Variants in TVP23A observed in about 807,000 individuals in gnomAD.
TVP23A encodes the protein trans-golgi network vesicle protein 23 homolog A.
TVP23A carries 21 observed loss-of-function variants against 31.7 expected under a neutral mutation model. The observed-to-expected ratio is 0.66, with a 90% CI of 0.47 to 0.95. The LOEUF (loss-of-function observed/expected upper bound fraction) is 0.95, where lower values mean the gene tolerates loss of function less well. Among genes scored for constraint, TVP23A ranks in the 40% least tolerant of loss-of-function variants. The pLI is 0.00. For synonymous variants in TVP23A, 104 were observed against 96.0 expected (o/e 1.08, Z -0.49); for missense variants, 279 against 255.6 (o/e 1.09, Z -0.62).
chr16:10,795,221 A>G (rs1200902117), intron 2 of TVP23A, among the ~76,000 whole-genome samples: 1 of 151,600 alleles, frequency 6.6e-6, no homozygotes, highest in Non-Finnish European at 1.5e-5. Context: ...AGCAATAACA[A>G]TATGTCTGCA....
intron 2 of TVP23A, among the ~76,000 whole-genome samples, chr16:10,794,770 AG>A (rs1460284768): frequency 6.6e-6 from 1 of 152,022 alleles, no homozygotes; most frequent in Non-Finnish European, 1.5e-5. Flanking sequence ...TCTGTCTGAG[AG>A]GGGGCCACCT....
downstream of TVP23A, chr16:10,762,020 A>C: frequency 3.4e-6 from 2 of 586,598 alleles, no homozygotes; most frequent in Non-Finnish European, 6.0e-6. Flanking sequence ...CCAAGAGGCC[A>C]CCGGGAGAGA....
At chr16:10,792,110 G>T (rs13331226) in intron 2 of TVP23A, among the ~76,000 whole-genome samples, 1 of 152,182 alleles carries the variant, frequency 6.6e-6, no homozygotes, top group Non-Finnish European at 1.5e-5. Flanking sequence ...AATCTGCTGT[G>T]GTCCACCTCC....
chr16:10,773,964 C>G, intron 4 of TVP23A, 75 bp downstream of exon 4: 1 of 1,222,134 alleles, frequency 8.2e-7, no homozygotes, highest in Non-Finnish European at 1.2e-6. Context: ...ATGCACAAAA[C>G]TCCAAAGGAA....
chr16:10,803,110 C>T (rs2033779092), intron 2 of TVP23A, among the ~76,000 whole-genome samples: 2 of 152,200 alleles, frequency 1.3e-5, no homozygotes, highest in South Asian at 2.1e-4. Context: ...GTAGCAAAAT[C>T]CCGTCTCTAC....
chr16:10,781,748 T>C (rs2032434969), intron 2 of TVP23A, among the ~76,000 whole-genome samples: 1 of 151,942 alleles, frequency 6.6e-6, no homozygotes, highest in Non-Finnish European at 1.5e-5. Flanking sequence ...GAGAGTCAGG[T>C]TGGCAGAAAT....
downstream of TVP23A, chr16:10,763,474 C>T (rs966588543): frequency 6.6e-6 from 1 of 152,288 alleles, no homozygotes; most frequent in African/African-American, 2.4e-5. Context: ...TCCCACAATA[C>T]TTCTCTGGCA....
At chr16:10,803,702 T>G (rs1452662961) in intron 2 of TVP23A, among the ~76,000 whole-genome samples, 1 of 152,072 alleles carries the variant, frequency 6.6e-6, no homozygotes, top group African/African-American at 2.4e-5. Flanking sequence ...GGTTCTTTAT[T>G]GACATTTTAA....
At chr16:10,814,471 C>T (rs903633517) in intron 2 of TVP23A, among the ~76,000 whole-genome samples, 34 of 152,272 alleles carry the variant, frequency 2.2e-4, no homozygotes, top group African/African-American at 7.7e-4. Flanking sequence ...GTCCCTACCC[C>T]ACATCTTGAC....
At chr16:10,815,576 T>A (rs967046136) in intron 2 of TVP23A, among the ~76,000 whole-genome samples, 1 of 152,238 alleles carries the variant, frequency 6.6e-6, no homozygotes, top group African/African-American at 2.4e-5. Flanking sequence ...TACTGGCATC[T>A]GGTGAATAGA....
chr16:10,762,206 G>A (rs1165125511), downstream of TVP23A: 3 of 192,486 alleles, frequency 1.6e-5, no homozygotes, highest in South Asian at 1.3e-4. Context: ...AGAGGAAGGC[G>A]GCCTGAGGTG....
In TVP23A at chr16:10,812,346, T is replaced by C. The variant is rs145740908; in HGVS notation, c.89+5757A>G. 4.6e-3 allele frequency among the ~76,000 whole-genome samples: 705 copies of C among 152,354 alleles called. 5 individuals carry two copies. Among genetic ancestry groups the C allele is most frequent in the African/African-American group, 0.016 (648 of 41,598 alleles). ...GGTGTAACTGATGTGGAAAACAGTA[T>C]GGTAGTTCCTCAAAAAATTAAAAAT... On this transcript the variant is annotated intron_variant, in intron 2 of 7. Coordinates refer to ENST00000299866, the MANE Select transcript of TVP23A (RefSeq NM_001079512.4).
chr16:10,790,985 G>A (rs1447239221), intron 2 of TVP23A, among the ~76,000 whole-genome samples: 3 of 152,146 alleles, frequency 2.0e-5, no homozygotes, highest in Non-Finnish European at 4.4e-5. Context: ...GCCTGAACTA[G>A]TTCTTTAGGT....
At chr16:10,759,681 T>A (rs979586063), downstream of TVP23A, among the ~76,000 whole-genome samples, 1 of 151,868 alleles carries the variant, frequency 6.6e-6, no homozygotes, top group Admixed American at 6.6e-5. This position sits in a 1 kb window ranked among gnomAD's most constrained non-coding sequence, Gnocchi z 4.7. Context: ...GAGGCTGAGG[T>A]GGGAGAAGTG....
At chr16:10,772,352 C>T (rs772041448) in intron 5 of TVP23A, among the ~76,000 whole-genome samples, 2 of 152,074 alleles carry the variant, frequency 1.3e-5, no homozygotes, top group Non-Finnish European at 2.9e-5. Flanking sequence ...TTACTATCTA[C>T]AAATATTTTG....
At position 10,774,078 on chromosome 16, in the gene TVP23A, A is replaced by T; in HGVS notation, c.285T>A (p.Asp95Glu). The change falls in exon 4 of 8, where the codon GAT becomes GAA. Residue 95 changes from aspartate to glutamate, a missense_variant. By Grantham distance (45) the Asp-to-Glu change is conservative. Transcript: ENST00000299866. ...LVGLRWWNQI[D>E]EDGKSHWIFE... ...AGATCCAGTGGCTCTTCCCATCTTCATCTATCTGGTTCCACCATCGAAGGC... is the reference window on the plus strand; with the variant it reads ...AGATCCAGTGGCTCTTCCCATCTTCTTCTATCTGGTTCCACCATCGAAGGC... The T allele has an allele frequency of 6.2e-7, 1 of 1,612,138 alleles. No homozygotes were observed. The highest frequency in any genetic ancestry group is 8.5e-7 in the Non-Finnish European group (1 of 1,179,238).
Position 10,777,446 on chromosome 16 carries a change from A to G in TVP23A, c.90-2350T>C, listed in dbSNP as rs867060898. Among the ~76,000 whole-genome samples the G allele has an allele frequency of 9.2e-5, 14 of 152,210 alleles. No individual in the cohort carries two copies. The highest frequency in any genetic ancestry group is 3.4e-3 in the Middle Eastern group (1 of 294). On this transcript the variant is annotated intron_variant, in intron 2 of 7. Transcript: ENST00000299866. The surrounding 1 kb of genome is among the most constrained non-coding windows in gnomAD (Gnocchi z 4.5). ...GGGGCCGAATGGGGTGGTCACAGAG[A>G]TCCACACAGAACTGCAGGGGAAAGC...
In TVP23A at chr16:10,766,895, C is replaced by G. The variant is rs918612855; in HGVS notation, c.*2207G>C. The stretch of plus-strand genomic sequence containing the variant: ...GGAGAGGACATTTCCTGTTATGGCT[C>G]AAGTGCGAATTGGCCTTATGTTCCC... On this transcript the variant is annotated 3_prime_UTR_variant, in exon 8 of 8. Coordinates refer to ENST00000299866, the MANE Select transcript of TVP23A (RefSeq NM_001079512.4). The surrounding 1 kb of genome is among the most constrained non-coding windows in gnomAD (Gnocchi z 4.8). 8 of 398,472 alleles carry G rather than the reference C, an allele frequency of 2.0e-5. No homozygotes were observed. Among genetic ancestry groups the G allele is most frequent in the African/African-American group, 4.1e-5 (2 of 48,622 alleles). 24.7% of individuals were successfully genotyped at this position (398,472 alleles called of 1,614,324 possible).
intron 2 of TVP23A, among the ~76,000 whole-genome samples, chr16:10,785,230 C>T (rs1367212006): frequency 6.6e-6 from 1 of 152,078 alleles, no homozygotes; most frequent in Admixed American, 6.6e-5. Context: ...CATGGTGAAA[C>T]CTGCCTCTAT....
Sources: allele counts gnomAD v4.1 joint callset (sites outside exome capture counted in the v4.1 genomes callset), GRCh38; gene constraint gnomAD v4.1.1; non-coding constraint Gnocchi (gnomAD v3.1); transcripts MANE v1.5; gene names NCBI Gene and HGNC (gene_info 2026-07-23, HGNC 2026-07-21).